FRRS1: variants seen among roughly 807,000 people sequenced by gnomAD.
FRRS1 encodes the protein ferric chelate reductase 1, also known as ferric reductase 1.
A neutral mutation model predicts 70.7 loss-of-function variants in FRRS1; 51 were observed. The ratio of observed to expected loss-of-function variants is 0.72; its 90% confidence interval spans 0.58 to 0.91. The LOEUF is 0.91. Ranked by LOEUF, FRRS1 falls within the 40% of genes least tolerant of loss-of-function variation. FRRS1 has a pLI of 0.00. For synonymous variants in FRRS1, 225 were observed against 238.7 expected (o/e 0.94, Z 0.53); for missense variants, 672 against 726.0 (o/e 0.93, Z 0.86).
At chr1:99,710,655 G>A (rs1445955719) in intron 15 of FRRS1, 151 bp downstream of exon 15, 2 of 628,370 alleles carry the variant, frequency 3.2e-6, no homozygotes, top group Non-Finnish European at 5.4e-6. Flanking sequence ...AACAAAGGCA[G>A]AAAATCACAA....
chr1:99,741,460 A>T (rs1655958421), intron 5 of FRRS1, among the ~76,000 whole-genome samples: 1 of 152,258 alleles, frequency 6.6e-6, no homozygotes, highest in Non-Finnish European at 1.5e-5. Flanking sequence ...TGAAGAAAAC[A>T]GTCATGTCAG....
intron 1 of FRRS1, among the ~76,000 whole-genome samples, chr1:99,756,666 A>C (rs1195158142): frequency 6.6e-6 from 1 of 152,196 alleles, no homozygotes; most frequent in East Asian, 1.9e-4. Flanking sequence ...ACTTTTTAAA[A>C]TAAATCGGTC....
chr1:99,760,563 A>C (rs1484911065), intron 1 of FRRS1, among the ~76,000 whole-genome samples: 1 of 152,244 alleles, frequency 6.6e-6, no homozygotes, highest in Non-Finnish European at 1.5e-5. Flanking sequence ...ACATTTTCAG[A>C]GAAGGTTCTA....
rs79160185 is a variant in FRRS1, at chr1:99,722,458, A to T, written c.1007-2811T>A. 8.5e-3 allele frequency among the ~76,000 whole-genome samples: 1,302 copies of T among 152,332 alleles called. 17 individuals carry two copies. The highest frequency in any genetic ancestry group is 0.029 in the African/African-American group (1,225 of 41,578). On this transcript the variant is annotated intron_variant, in intron 9 of 16. Coordinates refer to ENST00000646001, the MANE Select transcript of FRRS1 (RefSeq NM_001361041.2). ...ACGTAAACCAAAATCACTTATGAAT[A>T]TAGATGTAAAAAGCTTAAAGAAAAT...
chr1:99,738,438 T>C (rs1476913710), intron 6 of FRRS1, among the ~76,000 whole-genome samples, 170 bp from the exon 7 acceptor site: 1 of 152,196 alleles, frequency 6.6e-6, no homozygotes, highest in Non-Finnish European at 1.5e-5. Flanking sequence ...AAATTAAAAA[T>C]GATCGGAGCA....
intron 7 of FRRS1, among the ~76,000 whole-genome samples, chr1:99,730,842 G>A (rs1381602244): frequency 3.3e-5 from 5 of 149,964 alleles, no homozygotes; most frequent in Non-Finnish European, 7.4e-5. Context: ...ACTCCAGCCT[G>A]GGCAACAGAG....
rs1318624847 is a variant in FRRS1, at chr1:99,708,662, A to ATATATATGTATATATC, written c.*365_*366insGATATATACATATATA. On this transcript the variant is annotated 3_prime_UTR_variant, in exon 17 of 17. Coordinates refer to ENST00000646001, the MANE Select transcript of FRRS1 (RefSeq NM_001361041.2). The stretch of plus-strand genomic sequence containing the variant: ...TATATATATATATATATATATATAT[A>ATATATATGTATATATC]TCGTAATATATCTCTTTATTATCCT... The ATATATATGTATATATC allele has an allele frequency of 3.1e-5, 4 of 129,612 alleles. 1 individual carries two copies. The highest frequency in any genetic ancestry group is 1.4e-4 in the African/African-American group (4 of 27,694). 8.0% of individuals were successfully genotyped at this position (129,612 alleles called of 1,614,324 possible).
At chr1:99,749,295 G>A (rs927565754) in intron 1 of FRRS1, among the ~76,000 whole-genome samples, 2 of 151,954 alleles carry the variant, frequency 1.3e-5, no homozygotes, top group Non-Finnish European at 2.9e-5. Context: ...CAAAGTTCTG[G>A]GATTACAGGC....
intron 4 of FRRS1, among the ~76,000 whole-genome samples, chr1:99,743,303 C>A (rs988444541): frequency 6.6e-6 from 1 of 152,116 alleles, no homozygotes; most frequent in African/African-American, 2.4e-5. Flanking sequence ...TGACAGAGAG[C>A]AATTTCAAAC....
rs1242365285 is a variant in FRRS1 at position 99,705,266 on chromosome 1, C to A, written c.*3762G>T. On this transcript the variant is annotated 3_prime_UTR_variant, in exon 17 of 17. Transcript: ENST00000646001. ...GCAAGGGGGACAAGGGAACATTTCC[C>A]GTTTCACTGAGAAGGGCATTCCAGG... Among the ~76,000 whole-genome samples the A allele has an allele frequency of 6.6e-6, 1 of 152,178 alleles. No homozygotes were observed. The highest frequency in any genetic ancestry group is 1.5e-5 in the Non-Finnish European group (1 of 68,038).
intron 3 of FRRS1, 111 bp from the exon 4 acceptor site, chr1:99,747,541 G>T: frequency 1.0e-6 from 1 of 1,003,444 alleles, no homozygotes; most frequent in Non-Finnish European, 1.5e-6. Context: ...AAGTACTCCT[G>T]GAGAGAAAAC....
chr1:99,729,609 G>T, intron 8 of FRRS1, 41 bp downstream of exon 8: 1 of 1,247,990 alleles, frequency 8.0e-7, no homozygotes, highest in Non-Finnish European at 1.2e-6. Flanking sequence ...CAGCCGGAAA[G>T]CGGGTCTCCA....
chr1:99,751,051 G>A (rs1236817635), intron 1 of FRRS1, among the ~76,000 whole-genome samples: 3 of 152,062 alleles, frequency 2.0e-5, no homozygotes, highest in African/African-American at 7.2e-5. Context: ...CACCAAAGTG[G>A]GTAGGTATCA....
chr1:99,734,806 C>G (rs1176885476), intron 7 of FRRS1, among the ~76,000 whole-genome samples: 2 of 152,066 alleles, frequency 1.3e-5, no homozygotes, highest in Admixed American at 6.5e-5. Context: ...AAAGTTCAGT[C>G]TTTTAGATGT....
At chr1:99,730,438 C>G (rs1244841529) in intron 7 of FRRS1, among the ~76,000 whole-genome samples, 1 of 152,172 alleles carries the variant, frequency 6.6e-6, no homozygotes, top group Admixed American at 6.5e-5. Flanking sequence ...AAGTGATAAT[C>G]AAGCCAGACA....
chr1:99,755,994 A>G (rs1383947190), intron 1 of FRRS1, among the ~76,000 whole-genome samples: 1 of 152,222 alleles, frequency 6.6e-6, no homozygotes, highest in Non-Finnish European at 1.5e-5. Context: ...GTTTTAAGGT[A>G]CAACTTTTTT....
At chr1:99,718,768 G>A (rs1307534842) in intron 10 of FRRS1, among the ~76,000 whole-genome samples, 1 of 152,052 alleles carries the variant, frequency 6.6e-6, no homozygotes, top group African/African-American at 2.4e-5. Context: ...CAATAAAATT[G>A]TACCTTTGAA....
chr1:99,758,953 T>A (rs975139933), intron 1 of FRRS1, among the ~76,000 whole-genome samples: 1 of 152,112 alleles, frequency 6.6e-6, no homozygotes, highest in Non-Finnish European at 1.5e-5. Context: ...AATTACTAGG[T>A]TGGGGCAAAA....
intron 7 of FRRS1, among the ~76,000 whole-genome samples, chr1:99,733,253 C>G (rs1221958279): frequency 6.6e-6 from 1 of 152,100 alleles, no homozygotes; most frequent in Admixed American, 6.5e-5. Flanking sequence ...CGGGTTACTA[C>G]AGCAGTCCAG....
Sources: allele counts gnomAD v4.1 joint callset (sites outside exome capture counted in the v4.1 genomes callset), GRCh38; gene constraint gnomAD v4.1.1; transcripts MANE v1.5; gene names NCBI Gene and HGNC (gene_info 2026-07-23, HGNC 2026-07-21).